Variants in TOP1MT observed in about 807,000 individuals in gnomAD.
The protein encoded by TOP1MT is DNA topoisomerase I, mitochondrial.
TOP1MT carries 80 observed loss-of-function variants against 73.9 expected under a neutral mutation model. The observed-to-expected ratio is 1.08, with a 90% CI of 0.90 to 1.30. The LOEUF is 1.30. Ranked by LOEUF, TOP1MT falls within the 50% of genes most tolerant of loss-of-function variation. The probability of loss-of-function intolerance (pLI) is 0.00; values close to 1 mark genes in which losing one functional copy is unlikely to be tolerated. For missense variants in TOP1MT, 815 were observed against 808.0 expected (o/e 1.01, Z -0.10); for synonymous variants, 338 against 326.4 (o/e 1.04, Z -0.38).
chr8:143,355,147 G>A (rs1202518225), intron 1 of TOP1MT, among the ~76,000 whole-genome samples: 1 of 152,190 alleles, frequency 6.6e-6, no homozygotes, highest in East Asian at 1.9e-4. Context: ...ACACAACCGG[G>A]GATGACCCAG....
At position 143,318,294 on chromosome 8, in the gene TOP1MT, C is replaced by T. The variant is rs1267401703; in HGVS notation, c.1147-208G>A. ...TCACCGCTACCACACGCACAGGCAG[C>T]GTGCTCAGGAGGTGGGCGTGACTCC... On this transcript the variant is annotated intron_variant, in intron 8 of 13. Transcript: ENST00000329245. 2.0e-5 allele frequency among the ~76,000 whole-genome samples: 3 copies of T among 152,334 alleles called. No individual in the cohort carries two copies. The East Asian group carries it at 5.8e-4, about 29-fold the overall frequency.
intron 1 of TOP1MT, chr8:143,355,528 G>A (rs989936777): frequency 6.6e-6 from 1 of 152,240 alleles, no homozygotes; most frequent in East Asian, 1.9e-4. Flanking sequence ...GAGGACTGCA[G>A]GCCTAATGCC....
At chr8:143,315,640 G>T in intron 12 of TOP1MT, 87 bp downstream of exon 12, 1 of 920,702 alleles carries the variant, frequency 1.1e-6, no homozygotes, top group Non-Finnish European at 1.7e-6. Flanking sequence ...AGACAACAAG[G>T]GTCGTCTCCC....
intron 1 of TOP1MT, chr8:143,332,554 G>C (rs1271220685): frequency 7.8e-7 from 1 of 1,289,458 alleles, no homozygotes; most frequent in South Asian, 1.2e-5. Context: ...GGTGGGCCTG[G>C]TCGGCTGGGA....
rs753875611 is a variant in TOP1MT at position 143,323,512 on chromosome 8, CCACA to C, written c.960+483_960+486del. ...CACACATGCACGCCACACAGGCACG[CCACA>C]CACACATGCACGCCACACACATGCT... is the stretch of plus-strand genomic sequence containing the variant. On this transcript the variant is annotated intron_variant, in intron 7 of 13. Coordinates refer to ENST00000329245, the MANE Select transcript of TOP1MT (RefSeq NM_052963.3). Among the ~76,000 whole-genome samples, 1,051 of 107,406 alleles carry C rather than the reference CCACA, an allele frequency of 9.8e-3. 123 individuals are homozygous for C. Among genetic ancestry groups the C allele is most frequent in the Non-Finnish European group, 0.017 (804 of 48,096 alleles). 70.5% of individuals were successfully genotyped at this position (107,406 alleles called of 152,430 possible).
At chr8:143,352,019 T>C (rs1438884039) in intron 1 of TOP1MT, among the ~76,000 whole-genome samples, 2 of 152,026 alleles carry the variant, frequency 1.3e-5, no homozygotes, top group Non-Finnish European at 2.9e-5. Flanking sequence ...GAGGTGGAGG[T>C]TGTGGTGAGC....
upstream of TOP1MT, among the ~76,000 whole-genome samples, chr8:143,359,618 G>C (rs917508287): frequency 6.6e-6 from 1 of 150,516 alleles, no homozygotes; most frequent in Admixed American, 6.6e-5. Flanking sequence ...CTGGAGGGGG[G>C]ACACAAAAGG....
chr8:143,310,702 C>T (rs569246069), intron 12 of TOP1MT, among the ~76,000 whole-genome samples: 1 of 152,248 alleles, frequency 6.6e-6, no homozygotes, highest in Non-Finnish European at 1.5e-5. Context: ...CCCAACTCTT[C>T]TAGGAATTTG....
At chr8:143,324,363 G>A (rs892642237) in intron 6 of TOP1MT, 122 bp downstream of exon 6, 83 of 1,475,882 alleles carry the variant, frequency 5.6e-5, no homozygotes, top group East Asian at 1.9e-4. Flanking sequence ...ACCTCAGCAC[G>A]GGCTGGCCGA....
chr8:143,322,674 C>CACAG (rs200207573), intron 7 of TOP1MT, among the ~76,000 whole-genome samples: 1 of 114,242 alleles, frequency 8.8e-6, no homozygotes, highest in Non-Finnish European at 1.7e-5. Flanking sequence ...ACGCCACACA[C>CACAG]GCACGCCACA....
chr8:143,327,960 G>T (rs566132985), intron 3 of TOP1MT, among the ~76,000 whole-genome samples: 1 of 152,108 alleles, frequency 6.6e-6, no homozygotes. Flanking sequence ...AAACTTCTAG[G>T]AAAAACATAG....
Position 143,310,177 on chromosome 8 carries a change from C to T in TOP1MT, c.1594G>A (p.Glu532Lys). 1 of 1,602,858 alleles carries T rather than the reference C, an allele frequency of 6.2e-7. No individual in the cohort carries two copies. The highest frequency in any genetic ancestry group is 8.5e-7 in the Non-Finnish European group (1 of 1,174,762). The change falls in exon 13 of 14, where the codon GAG becomes AAG. Residue 532 changes from glutamate (E) to lysine (K), a missense_variant. Around this residue, in one of 3 missense-constraint regions of TOP1MT, gnomAD observed 751 missense variants for 725.4 expected, o/e 1.04. Coordinates refer to ENST00000329245, the MANE Select transcript of TOP1MT (RefSeq NM_052963.3). ...KKRRLLEKLQ[E>K]QLAQLSVQAT... ...TGCACACTCAGCTGCGCCAGCTGCTCCTGCAGCTTCTCCAGGAGCCGCCTC... is the reference window on the plus strand; with the variant it reads ...TGCACACTCAGCTGCGCCAGCTGCTTCTGCAGCTTCTCCAGGAGCCGCCTC...
rs1182781285 is a variant in TOP1MT at position 143,325,512 on chromosome 8, T to C, written c.505A>G (p.Lys169Glu). The change falls in exon 5 of 14, where the codon AAA becomes GAA. Residue 169 changes from lysine to glutamate, a missense_variant. By Grantham distance (56) the Lys-to-Glu change is moderately conservative. Around this residue, in one of 3 missense-constraint regions of TOP1MT, gnomAD observed 751 missense variants for 725.4 expected, o/e 1.04. Coordinates refer to ENST00000329245, the MANE Select transcript of TOP1MT (RefSeq NM_052963.3). ...CAGTAGCCGAACTCTTGCTGAAGTT[T>C]TTCTGCCTCTTCTTTTAGCTTCTGA... is the stretch of plus-strand genomic sequence containing the variant. ...EKQKLKEEAE[K>E]LQQEFGYCIL... The C allele has an allele frequency of 6.2e-7, 1 of 1,609,710 alleles. No homozygotes were observed. The highest frequency in any genetic ancestry group is 8.5e-7 in the Non-Finnish European group (1 of 1,176,326).
upstream of TOP1MT, among the ~76,000 whole-genome samples, chr8:143,336,762 C>CA (rs1816988923): frequency 6.6e-6 from 1 of 152,076 alleles, no homozygotes; most frequent in African/African-American, 2.4e-5. Context: ...GCAAGTGGAT[C>CA]ACTTGAGCCA....
intron 7 of TOP1MT, among the ~76,000 whole-genome samples, chr8:143,321,843 ACG>A (rs1491358946): frequency 3.7e-5 from 4 of 108,754 alleles, no homozygotes; most frequent in Admixed American, 9.5e-5. Flanking sequence ...CACACGCCAC[ACG>A]CACGCCACAC....
intron 3 of TOP1MT, chr8:143,327,220 A>C (rs1816733108): frequency 6.6e-6 from 1 of 152,296 alleles, no homozygotes; most frequent in Admixed American, 6.5e-5. Context: ...CTAAGTGGGG[A>C]AAACATTACA....
At chr8:143,323,755 CCCACACAGACATG>C (rs1816620301) in intron 7 of TOP1MT, among the ~76,000 whole-genome samples, 1 of 42,588 alleles carries the variant, frequency 2.3e-5, no homozygotes, top group Non-Finnish European at 4.4e-5. Flanking sequence ...ACATGCACGC[CCCACACAGACATG>C]CCACACACAG....
At chr8:143,335,180 A>G (rs890587844), upstream of TOP1MT, among the ~76,000 whole-genome samples, 2 of 152,240 alleles carry the variant, frequency 1.3e-5, no homozygotes, top group African/African-American at 4.8e-5. Flanking sequence ...CGACCAGGCC[A>G]GTGAACTCCT....
At chr8:143,313,874 A>AG in intron 12 of TOP1MT, among the ~76,000 whole-genome samples, 1 of 151,608 alleles carries the variant, frequency 6.6e-6, no homozygotes. Flanking sequence ...AAAAAAAAAA[A>AG]GAAAGAACAA....
Sources: gnomAD v4.1 joint callset for allele counts (sites outside exome capture counted in the v4.1 genomes callset) on GRCh38, gnomAD v4.1.1 for gene constraint, gnomAD v4.1.1 regional missense constraint, MANE v1.5 for transcripts, NCBI Gene and HGNC (gene_info 2026-07-23, HGNC 2026-07-21) for gene names.